CPA6: variants seen among roughly 807,000 people sequenced by gnomAD.
CPA6 encodes the protein carboxypeptidase B.
CPA6 carries 58 observed loss-of-function variants against 63.3 expected under a neutral mutation model. The observed-to-expected ratio is 0.92, with a 90% confidence interval of 0.74 to 1.14. The LOEUF is 1.14. CPA6 is among the 50% of genes most tolerant of loss of function. The pLI, the probability that CPA6 is intolerant of heterozygous loss-of-function variation, is 0.00. For synonymous variants in CPA6, 185 were observed against 179.0 expected (o/e 1.03, Z -0.27); for missense variants, 565 against 526.6 (o/e 1.07, Z -0.71).
chr8:67,469,275 G>T (rs1024955759), intron 8 of CPA6, among the ~76,000 whole-genome samples: 2 of 152,104 alleles, frequency 1.3e-5, no homozygotes, highest in East Asian at 3.9e-4. Flanking sequence ...CCTCCATAAA[G>T]TGGGTGGGCC....
In CPA6 at chr8:67,511,813, A is replaced by G. The variant is rs531014102; in HGVS notation, c.318-158T>C. ...TTGGGAAAATGTTATTTTTCAGGAA[A>G]TGAAAACTGTTAAATAAGTGGTATA... is the stretch of plus-strand genomic sequence containing the variant. On this transcript the variant is annotated intron_variant, in intron 3 of 10. Coordinates refer to ENST00000297770, the MANE Select transcript of CPA6 (RefSeq NM_020361.5). Among the ~76,000 whole-genome samples the G allele has an allele frequency of 9.1e-4, 139 of 152,346 alleles. 1 individual carries two copies. Among genetic ancestry groups the G allele is most frequent in the African/African-American group, 3.2e-3 (132 of 41,590 alleles).
chr8:67,520,449 T>C (rs530217714), intron 2 of CPA6, among the ~76,000 whole-genome samples: 16 of 152,210 alleles, frequency 1.1e-4, no homozygotes. Flanking sequence ...TCAGGAATTC[T>C]ATTTTGTTGT....
At chr8:67,740,141 T>C (rs577339264) in intron 1 of CPA6, among the ~76,000 whole-genome samples, 1 of 152,146 alleles carries the variant, frequency 6.6e-6, no homozygotes. Context: ...CCCTTCTCAG[T>C]TGGGAAGGAG....
At chr8:67,470,597 C>T (rs899459245) in intron 8 of CPA6, among the ~76,000 whole-genome samples, 4 of 152,064 alleles carry the variant, frequency 2.6e-5, no homozygotes, top group Non-Finnish European at 4.4e-5. Flanking sequence ...ATTTTCTTCA[C>T]ATTTTGTGTG....
chr8:67,701,901 A>G (rs547308590), intron 1 of CPA6, among the ~76,000 whole-genome samples: 1 of 152,292 alleles, frequency 6.6e-6, no homozygotes, highest in Non-Finnish European at 1.5e-5. Context: ...CTTACAATTC[A>G]GTGGCTCCCA....
intron 6 of CPA6, 50 bp from the exon 7 acceptor site, chr8:67,484,839 A>C (rs914524149): frequency 9.9e-7 from 1 of 1,014,410 alleles, no homozygotes; most frequent in Non-Finnish European, 1.5e-6. Flanking sequence ...CCAAAAGAGG[A>C]AAAAAGAGTG....
intron 1 of CPA6, among the ~76,000 whole-genome samples, chr8:67,690,756 T>A (rs913599550): frequency 6.6e-6 from 1 of 152,212 alleles, no homozygotes; most frequent in African/African-American, 2.4e-5. Flanking sequence ...TCAACAGATT[T>A]TAAATTTTCA....
At chr8:67,495,730 C>T (rs1811697435) in intron 6 of CPA6, among the ~76,000 whole-genome samples, 1 of 152,082 alleles carries the variant, frequency 6.6e-6, no homozygotes, top group Non-Finnish European at 1.5e-5. Flanking sequence ...CTCTGTCACC[C>T]AGGCTGGAGT....
intron 1 of CPA6, among the ~76,000 whole-genome samples, chr8:67,640,730 C>G (rs1815572369): frequency 1.3e-5 from 2 of 151,450 alleles, no homozygotes; most frequent in African/African-American, 4.9e-5. Flanking sequence ...TCAGCTTGTC[C>G]TGGGCTCCCA....
At chr8:67,430,470 T>C (rs983314882) in intron 9 of CPA6, among the ~76,000 whole-genome samples, 21 of 152,120 alleles carry the variant, frequency 1.4e-4, no homozygotes, top group Non-Finnish European at 2.6e-4. Flanking sequence ...TTTATTTAAA[T>C]ATTTCCATAT....
intron 1 of CPA6, among the ~76,000 whole-genome samples, chr8:67,652,217 C>T (rs1815859120): frequency 6.6e-6 from 1 of 152,110 alleles, no homozygotes; most frequent in African/African-American, 2.4e-5. Context: ...GTGCATGTGT[C>T]TTTATAGCAG....
rs201643526 is a variant in CPA6, at chr8:67,509,546, A to T, written c.505T>A (p.Tyr169Asn). Residue 169 changes from tyrosine (Y) to asparagine (N), a missense_variant, in exon 5 of 11, where the codon TAT becomes AAT. By Grantham distance (143) the Tyr-to-Asn change is moderately radical. Coordinates refer to ENST00000297770, the MANE Select transcript of CPA6 (RefSeq NM_020361.5). ...AAAATAAAAAGAGATCTTCCCTCAT[A>T]TGATCTTCCAATAGAGAACATGTGA... The part of the protein sequence containing the change: ...LIHMFSIGRS[Y>N]EGRSLFILKL... 6.3e-7 allele frequency: 1 copy of T among 1,583,848 alleles called. No homozygotes were observed.
chr8:67,592,043 T>C (rs1179712802), intron 2 of CPA6, among the ~76,000 whole-genome samples: 2 of 152,214 alleles, frequency 1.3e-5, no homozygotes, highest in African/African-American at 4.8e-5. Flanking sequence ...TAGCTCTTAT[T>C]ATTTTGAGAT....
chr8:67,562,942 T>A (rs2220148), intron 2 of CPA6, among the ~76,000 whole-genome samples: 1 of 152,212 alleles, frequency 6.6e-6, no homozygotes, highest in Non-Finnish European at 1.5e-5. Flanking sequence ...CCTGATATAC[T>A]ATATTGCAAT....
intron 2 of CPA6, among the ~76,000 whole-genome samples, chr8:67,587,386 G>T (rs1048779978): frequency 3.3e-5 from 5 of 152,176 alleles, no homozygotes; most frequent in African/African-American, 1.2e-4. Flanking sequence ...TAATTCTGGA[G>T]TTGGGGCTAG....
chr8:67,672,339 T>C (rs979738896), intron 1 of CPA6, among the ~76,000 whole-genome samples: 5 of 152,190 alleles, frequency 3.3e-5, no homozygotes, highest in Admixed American at 6.5e-5. Flanking sequence ...AAAATTTTCT[T>C]CCAATGCGTA....
intron 1 of CPA6, among the ~76,000 whole-genome samples, chr8:67,706,411 A>G (rs2128999534): frequency 1.3e-5 from 2 of 152,352 alleles, no homozygotes; most frequent in Middle Eastern, 3.4e-3. Flanking sequence ...TAATTTGTAC[A>G]TAAGACCACT....
At chr8:67,475,922 C>CT (rs11413633) in intron 8 of CPA6, among the ~76,000 whole-genome samples, 1 of 83,012 alleles carries the variant, frequency 1.2e-5, no homozygotes, top group African/African-American at 5.9e-5. Flanking sequence ...TTCTTTCTTT[C>CT]TTTCTTTCTT....
intron 1 of CPA6, among the ~76,000 whole-genome samples, chr8:67,711,929 G>A (rs1176512365): frequency 6.6e-6 from 1 of 152,122 alleles, no homozygotes; most frequent in African/African-American, 2.4e-5. Flanking sequence ...AATCCACAGA[G>A]CCATGTAATA....
Sources: gnomAD v4.1 joint callset for allele counts (sites outside exome capture counted in the v4.1 genomes callset) on GRCh38, gnomAD v4.1.1 for gene constraint, MANE v1.5 for transcripts, NCBI Gene and HGNC (gene_info 2026-07-23, HGNC 2026-07-21) for gene names.